CFAP65: variants seen among roughly 807,000 people sequenced by gnomAD.
The protein encoded by CFAP65 is cilia and flagella associated protein 65, also known as cilia- and flagella-associated protein 65.
A neutral mutation model predicts 208.0 loss-of-function variants in CFAP65; 155 were observed. That is an observed-to-expected ratio of 0.75 (90% CI 0.65 to 0.85). The LOEUF (loss-of-function observed/expected upper bound fraction) is 0.85, where lower values mean the gene tolerates loss of function less well. Among genes scored for constraint, CFAP65 ranks in the 40% least tolerant of loss-of-function variants. The pLI, the probability that CFAP65 is intolerant of heterozygous loss-of-function variation, is 0.00. For missense variants in CFAP65, 2,294 were observed against 2,451.3 expected, an observed-to-expected ratio of 0.94 and a Z score of 1.36; for synonymous variants, 970 against 986.3, an observed-to-expected ratio of 0.98 and a Z score of 0.31.
Position 219,039,019 on chromosome 2 carries a change from C to T in CFAP65, c.30G>A (p.Val10=), listed in dbSNP as rs1468028160. The T allele has an allele frequency of 6.2e-7, 1 of 1,612,568 alleles. No homozygotes were observed. Among genetic ancestry groups the T allele is most frequent in the African/African-American group, 1.3e-5 (1 of 74,996 alleles). ...GATTCTCCACCTTCTGGGTTTTCTCCACCAGTCTACAACCGGTTAAGGTAA... is the reference window on the plus strand; with the variant it reads ...GATTCTCCACCTTCTGGGTTTTCTCTACCAGTCTACAACCGGTTAAGGTAA... MFTLTGCRL[V]EKTQKVENPS... Residue 10 remains valine (V), a synonymous_variant, in exon 3 of 35, where the codon GTG becomes GTA. Coordinates refer to ENST00000341552, the MANE Select transcript of CFAP65 (RefSeq NM_194302.4).
chr2:219,031,491 C>A lies in CFAP65; in HGVS notation c.813G>T (p.Val271=), dbSNP rs1213314418. 6.2e-7 allele frequency: 1 copy of A among 1,614,114 alleles called. No homozygotes were observed. The highest frequency in any genetic ancestry group is 1.7e-5 in the Admixed American group (1 of 60,006). ...TTEAFFCLDN[V]GDLPTFFTWE... ...CCGCACCTCAGCCTCTTCCTCACCC[C>A]ACATTATCCAGGCAGAAAAAGGCCT... The change falls in exon 7 of 35, where the codon GTG becomes GTT. Residue 271 remains valine, a splice_region_variant and synonymous_variant. Coordinates refer to ENST00000341552, the MANE Select transcript of CFAP65 (RefSeq NM_194302.4). This position sits in a 1 kb window ranked among gnomAD's most constrained non-coding sequence, Gnocchi z 5.2.
intron 5 of CFAP65, chr2:219,035,194 T>C: frequency 1.2e-6 from 1 of 834,446 alleles, no homozygotes; most frequent in Non-Finnish European, 1.8e-6. Flanking sequence ...CTTATGTAAC[T>C]GGACACATAT....
intron 22 of CFAP65, 91 bp downstream of exon 22, chr2:219,013,777 C>T (rs890328286): frequency 1.5e-6 from 2 of 1,292,346 alleles, no homozygotes; most frequent in Admixed American, 1.8e-5. Context: ...AGGGAATGGC[C>T]ATTTGGGGTG....
At chr2:219,010,731 G>C in intron 25 of CFAP65, 27 bp from the exon 26 acceptor site, 2 of 1,594,406 alleles carry the variant, frequency 1.3e-6, no homozygotes, top group Non-Finnish European at 1.7e-6. Context: ...GTGGGGGTAG[G>C]GACTGGTCAG....
At chr2:219,024,594 A>G (rs1170676798) in intron 14 of CFAP65, among the ~76,000 whole-genome samples, 1 of 151,928 alleles carries the variant, frequency 6.6e-6, no homozygotes, top group African/African-American at 2.4e-5. Flanking sequence ...CACTCTTTGG[A>G]GAACTCATTT....
intron 26 of CFAP65, 134 bp from the exon 27 acceptor site, chr2:219,010,219 C>G: frequency 1.3e-6 from 1 of 795,076 alleles, no homozygotes; most frequent in Non-Finnish European, 1.9e-6. Context: ...GTGCCTGGCC[C>G]TTTTGACACC....
chr2:219,029,487 C>T lies in CFAP65; in HGVS notation c.1566G>A (p.Lys522=), dbSNP rs764410464. The T allele has an allele frequency of 1.2e-6, 2 of 1,614,124 alleles. No homozygotes were observed. The highest frequency in any genetic ancestry group is 2.2e-5 in the South Asian group (2 of 91,084). The change falls in exon 11 of 35, where the codon AAG becomes AAA. Residue 522 remains lysine, a synonymous_variant. Transcript: ENST00000341552. ...AGGCACAGTGCAGGGTCATACGGGC[C>T]TTGCCCACCAGCGTCCCAAAGGCAG... The part of the protein sequence containing the change: ...IRPAFGTLVG[K]ARMTLHCAFQ...
intron 29 of CFAP65, 125 bp downstream of exon 29, chr2:219,008,922 T>G: frequency 1.4e-6 from 1 of 695,522 alleles, no homozygotes; most frequent in Non-Finnish European, 2.6e-6. Flanking sequence ...GTGAATGAAA[T>G]GTAATCTCTT....
intron 4 of CFAP65, among the ~76,000 whole-genome samples, chr2:219,036,736 G>T (rs1248969024): frequency 2.6e-5 from 4 of 152,130 alleles, no homozygotes; most frequent in African/African-American, 4.8e-5. Flanking sequence ...GAGCCATCAT[G>T]CCCGGCCAGC....
intron 15 of CFAP65, 133 bp from the exon 16 acceptor site, chr2:219,023,564 G>C (rs541138698): frequency 4.5e-6 from 3 of 663,612 alleles, no homozygotes; most frequent in Non-Finnish European, 5.3e-6. Flanking sequence ...CTGCCAGCCC[G>C]TGTACCGGCA....
chr2:219,013,929 T>A lies in CFAP65; in HGVS notation c.3718A>T (p.Ile1240Phe), dbSNP rs376903310. The A allele has an allele frequency of 1.1e-4, 178 of 1,613,880 alleles. No individual in the cohort carries two copies. The highest frequency in any genetic ancestry group is 4.9e-4 in the Middle Eastern group (3 of 6,078). Residue 1240 changes from isoleucine to phenylalanine, a missense_variant, in exon 22 of 35, where the codon ATC becomes TTC. Ile to Phe is a conservative substitution (Grantham distance 21). This residue lies in a region of CFAP65 where 1,427 missense variants were observed against 1,438.7 expected (regional missense o/e 0.99). Transcript: ENST00000341552. ...CTCAGGCTCCCAGCCTTGGGGCTGATGGAGAAGAGGCAATTGTCCTGCACG... is the reference window on the plus strand; with the variant it reads ...CTCAGGCTCCCAGCCTTGGGGCTGAAGGAGAAGAGGCAATTGTCCTGCACG... ...MRVQDNCLFS[I>F]SPKAGSLSPG...
chr2:219,037,970 C>T (rs1025711914), intron 4 of CFAP65, among the ~76,000 whole-genome samples: 6 of 152,128 alleles, frequency 3.9e-5, no homozygotes, highest in African/African-American at 9.7e-5. Flanking sequence ...GGGTCAAGGC[C>T]GGAAGAACTT....
Position 219,002,941 on chromosome 2 carries a change from G to A in CFAP65, c.5774C>T (p.Pro1925Leu). 6.4e-7 allele frequency: 1 copy of A among 1,565,476 alleles called. No homozygotes were observed. The highest frequency in any genetic ancestry group is 1.2e-5 in the South Asian group (1 of 85,094). The change falls in exon 35 of 35, where the codon CCG becomes CTG. Residue 1925 changes from proline (P) to leucine (L), a missense_variant. Physicochemically the swap from Pro to Leu is moderately conservative, Grantham distance 98 (BLOSUM62 -3). Transcript: ENST00000341552. This position sits in a 1 kb window ranked among gnomAD's most constrained non-coding sequence, Gnocchi z 7.9. The stretch of plus-strand genomic sequence containing the variant: ...GGAGAGGCTGGGCGCGGGCATTTAC[G>A]GAAGGTCGGTAGGAAGTGGCACCAC... ...HPVVPLPTDL[P>L]
At position 219,030,592 on chromosome 2, in the gene CFAP65, C is replaced by T. The variant is rs925484316; in HGVS notation, c.1161+97G>A. On this transcript the variant is annotated intron_variant, in intron 9 of 34. Coordinates refer to ENST00000341552, the MANE Select transcript of CFAP65 (RefSeq NM_194302.4). ...GTTACATGAGGCTTGGGGCCAAAGG[C>T]ATGGAGAGAAAGGGGGGGCATTCTG... The T allele has an allele frequency of 1.1e-4, 164 of 1,482,836 alleles. No individual in the cohort carries two copies. The Middle Eastern group carries it at 2.5e-3, about 23-fold the overall frequency. The allele number at this position is 1,482,836 out of a possible 1,614,324, so 91.9% of individuals were successfully genotyped here.
intron 29 of CFAP65, among the ~76,000 whole-genome samples, chr2:219,008,737 AAAAAATAAAAAT>A (rs1252510014): frequency 1.3e-5 from 2 of 152,230 alleles, no homozygotes; most frequent in Admixed American, 1.3e-4. Context: ...CTGTCTCAAA[AAAAAATAAAAAT>A]AAAAATAAAA....
intron 14 of CFAP65, among the ~76,000 whole-genome samples, chr2:219,024,586 C>T (rs951478069): frequency 8.5e-5 from 13 of 152,250 alleles, no homozygotes; most frequent in African/African-American, 2.9e-4. Context: ...CTTTGCATCA[C>T]TCTTTGGAGA....
chr2:219,029,445 G>A lies in CFAP65; in HGVS notation c.1608C>T (p.Pro536=). The A allele has an allele frequency of 6.2e-7, 1 of 1,614,102 alleles. No individual in the cohort carries two copies. The highest frequency in any genetic ancestry group is 8.5e-7 in the Non-Finnish European group (1 of 1,180,000). The change falls in exon 11 of 35, where the codon CCC becomes CCT. Residue 536 remains proline (P), a synonymous_variant. Transcript: ENST00000341552. The part of the protein sequence containing the change: ...TLHCAFQPTH[P]IICFRRVACL... ...AGGCCACACGCCGAAAGCAGATGAT[G>A]GGGTGAGTGGGCTGGAAGGCACAGT...
chr2:219,016,649 G>T (rs1294493134), intron 21 of CFAP65, among the ~76,000 whole-genome samples: 1 of 152,066 alleles, frequency 6.6e-6, no homozygotes, highest in Non-Finnish European at 1.5e-5. Context: ...TCTAGCGTGG[G>T]CTTCTATGCC....
At chr2:219,018,246 C>T (rs891227764) in intron 21 of CFAP65, 4 of 152,264 alleles carry the variant, frequency 2.6e-5, no homozygotes, top group African/African-American at 7.2e-5. Context: ...CTCTCTTTAG[C>T]CAAGCAAAGT....
Sources: allele counts gnomAD v4.1 joint callset (sites outside exome capture counted in the v4.1 genomes callset), GRCh38; gene constraint gnomAD v4.1.1; regional missense constraint gnomAD v4.1.1; non-coding constraint Gnocchi (gnomAD v3.1); transcripts MANE v1.5; gene names NCBI Gene and HGNC (gene_info 2026-07-23, HGNC 2026-07-21).